The following WWOX variants were observed in gnomAD, a reference collection of about 807,000 sequenced individuals.
The protein encoded by WWOX is WW domain-containing oxidoreductase.
A neutral mutation model predicts 46.2 loss-of-function variants in WWOX; 69 were observed. That is an observed-to-expected ratio of 1.49 (90% confidence interval 1.23 to 1.82). WWOX has a LOEUF of 1.82. Ranked by LOEUF, WWOX falls within the 40% of genes most tolerant of loss-of-function variation. The pLI, the probability that WWOX is intolerant of heterozygous loss-of-function variation, is 0.00. For missense variants in WWOX, 919 were observed against 542.6 expected (o/e 1.69, Z -6.89); for synonymous variants, 359 against 202.6 (o/e 1.77, Z -6.56).
At chr16:78,724,579 G>A (rs147358864) in intron 8 of WWOX, among the ~76,000 whole-genome samples, 27 of 152,228 alleles carry the variant, frequency 1.8e-4, no homozygotes, top group Non-Finnish European at 3.5e-4. Flanking sequence ...GGGAATTTGG[G>A]GACATTGACC....
At chr16:78,186,761 T>A (rs546269843) in intron 5 of WWOX, among the ~76,000 whole-genome samples, 4 of 152,320 alleles carry the variant, frequency 2.6e-5, no homozygotes, top group African/African-American at 9.6e-5. Flanking sequence ...TGAGACCCTG[T>A]CTCAAAAGAA....
At chr16:78,528,978 G>T (rs1053602133) in intron 8 of WWOX, among the ~76,000 whole-genome samples, 1 of 147,566 alleles carries the variant, frequency 6.8e-6, no homozygotes, top group Admixed American at 6.8e-5. Context: ...TTTTTAGGGA[G>T]GGTCTGGCTG....
At chr16:78,794,503 C>G (rs753487187) in intron 8 of WWOX, among the ~76,000 whole-genome samples, 1 of 152,308 alleles carries the variant, frequency 6.6e-6, no homozygotes, top group South Asian at 2.1e-4. Context: ...AATACCCAAA[C>G]TCTCTGAATA....
intron 8 of WWOX, among the ~76,000 whole-genome samples, chr16:78,526,840 G>C (rs113600251): frequency 2.2e-4 from 33 of 152,284 alleles, no homozygotes; most frequent in African/African-American, 7.9e-4. Context: ...TGGGAGGGAG[G>C]AGCCAGCCTG....
intron 8 of WWOX, among the ~76,000 whole-genome samples, chr16:79,141,538 C>T (rs777410834): frequency 2.6e-5 from 4 of 152,228 alleles, no homozygotes; most frequent in African/African-American, 4.8e-5. Context: ...TCATTTTAAT[C>T]GGAAGGAAGT....
chr16:78,525,816 T>G (rs1776878990), intron 8 of WWOX: 1 of 142,304 alleles, frequency 7.0e-6, no homozygotes. Context: ...TGAGACTCAC[T>G]AGAAGTTTCA....
chr16:78,403,309 C>A (rs905389717), intron 6 of WWOX, among the ~76,000 whole-genome samples: 1 of 152,186 alleles, frequency 6.6e-6, no homozygotes, highest in Non-Finnish European at 1.5e-5. Flanking sequence ...AATAAACTCT[C>A]TTTGCATGAT....
intron 8 of WWOX, among the ~76,000 whole-genome samples, chr16:79,061,012 A>C (rs1263561839): frequency 6.6e-6 from 1 of 152,232 alleles, no homozygotes; most frequent in Non-Finnish European, 1.5e-5. Flanking sequence ...AGTAAATGGC[A>C]GAACATTCAG....
In WWOX at chr16:78,571,865, C is replaced by CA. The variant is rs548384622; in HGVS notation, c.1056+139120dup. Among the ~76,000 whole-genome samples the CA allele has an allele frequency of 2.1e-4, 32 of 151,952 alleles. No homozygotes were observed. In the South Asian group the frequency reaches 5.4e-3, roughly 26 times the overall value. ...TGGGCAACAGAGCTAGATTCCATCT[C>CA]AAAAAAAGGCATTGCTGTTAATACA... On this transcript the variant is annotated intron_variant, in intron 8 of 8. Transcript: ENST00000566780.
At chr16:78,598,055 A>G (rs551201792) in intron 8 of WWOX, among the ~76,000 whole-genome samples, 2 of 152,186 alleles carry the variant, frequency 1.3e-5, no homozygotes, top group African/African-American at 2.4e-5. Flanking sequence ...TAATCTCCAG[A>G]CTGCGCTTCA....
In WWOX at chr16:78,099,752, G is replaced by A. The variant is rs570978891; in HGVS notation, c.-27G>A. 3.6e-5 allele frequency: 55 copies of A among 1,524,082 alleles called. No homozygotes were observed. Among genetic ancestry groups the A allele is most frequent in the South Asian group, 2.2e-4 (18 of 80,992 alleles). The allele number at this position is 1,524,082 out of a possible 1,614,324, so 94.4% of individuals were successfully genotyped here. A position where few individuals can be genotyped will look rare whatever the true frequency, so the allele number is the denominator to read the frequency against. On this transcript the variant is annotated 5_prime_UTR_variant, in exon 1 of 9. Coordinates refer to ENST00000566780, the MANE Select transcript of WWOX (RefSeq NM_016373.4). ...GAGTGGACCCGGCAGCGGGCGATAG[G>A]GGGGCCAGGTGCCTCCACAGTCAGC...
At chr16:78,795,440 T>C (rs1004150283) in intron 8 of WWOX, among the ~76,000 whole-genome samples, 19 of 152,136 alleles carry the variant, frequency 1.2e-4, no homozygotes, top group African/African-American at 4.3e-4. Flanking sequence ...ACCCATGGAC[T>C]ACAACTAGTA....
intron 8 of WWOX, among the ~76,000 whole-genome samples, chr16:79,146,507 A>G (rs2150725088): frequency 6.6e-6 from 1 of 152,336 alleles, no homozygotes; most frequent in East Asian, 1.9e-4. Context: ...TTCAAAACTC[A>G]TAACTATATT....
intron 8 of WWOX, among the ~76,000 whole-genome samples, chr16:79,020,210 T>G (rs1005071964): frequency 5.3e-5 from 8 of 152,168 alleles, no homozygotes; most frequent in African/African-American, 1.9e-4. Context: ...ATAAAGCAAC[T>G]TAACCCATTG....
chr16:78,980,525 A>T (rs553161237), intron 8 of WWOX, among the ~76,000 whole-genome samples: 59 of 152,340 alleles, frequency 3.9e-4, no homozygotes, highest in African/African-American at 1.4e-3. Context: ...TCTCAATTAA[A>T]ATACTAATAG....
chr16:78,175,290 C>G (rs920601459), intron 5 of WWOX, among the ~76,000 whole-genome samples: 1 of 152,236 alleles, frequency 6.6e-6, no homozygotes, highest in East Asian at 1.9e-4. Flanking sequence ...GCCCAAGGTT[C>G]TGAAGACCCT....
At chr16:78,189,989 C>G (rs2035833128) in intron 5 of WWOX, among the ~76,000 whole-genome samples, 1 of 152,150 alleles carries the variant, frequency 6.6e-6, no homozygotes, top group Non-Finnish European at 1.5e-5. Context: ...GAACTCACTT[C>G]CCACCCAAAC....
intron 5 of WWOX, among the ~76,000 whole-genome samples, chr16:78,359,831 C>G (rs888011951): frequency 6.6e-6 from 1 of 152,158 alleles, no homozygotes; most frequent in Non-Finnish European, 1.5e-5. Flanking sequence ...GGAAGACTTC[C>G]TGGGAGAGGT....
At chr16:78,255,596 G>A (rs1024994675) in intron 5 of WWOX, among the ~76,000 whole-genome samples, 1 of 152,012 alleles carries the variant, frequency 6.6e-6, no homozygotes, top group Non-Finnish European at 1.5e-5. Context: ...GGAAGGCGAG[G>A]CACAAAAGAA....
Sources: gnomAD v4.1 joint callset for allele counts (sites outside exome capture counted in the v4.1 genomes callset) on GRCh38, gnomAD v4.1.1 for gene constraint, MANE v1.5 for transcripts, NCBI Gene and HGNC (gene_info 2026-07-23, HGNC 2026-07-21) for gene names.